Variants in KCNQ5 observed in about 807,000 individuals in gnomAD.
KCNQ5 encodes potassium voltage-gated channel subfamily Q member 5, also known as potassium voltage-gated channel subfamily KQT member 5.
Under a neutral mutation model 98.2 loss-of-function variants are expected in KCNQ5, and 30 were observed. The ratio of observed to expected loss-of-function variants is 0.31; its 90% confidence interval spans 0.23 to 0.41. KCNQ5 has a LOEUF of 0.41. KCNQ5 is among the 10% of genes least tolerant of loss of function. The pLI, the probability that KCNQ5 is intolerant of heterozygous loss-of-function variation, is 1.00. For synonymous variants in KCNQ5, 458 were observed against 449.4 expected (o/e 1.02, Z -0.24); for missense variants, 835 against 1,182.5 (o/e 0.71, Z 4.31).
intron 3 of KCNQ5, among the ~76,000 whole-genome samples, chr6:73,049,427 A>G (rs78798773): frequency 0.045 from 6,791 of 152,294 alleles, 277 homozygotes; most frequent in African/African-American, 0.11. Flanking sequence ...CACTCTATAG[A>G]TGGAAAAGTC....
chr6:72,809,125 A>C (rs1350173787), intron 1 of KCNQ5, among the ~76,000 whole-genome samples: 2 of 151,110 alleles, frequency 1.3e-5, no homozygotes, highest in African/African-American at 4.9e-5. Context: ...CATCATTCTC[A>C]GTAAACTATC....
At chr6:72,650,594 T>C (rs1765825664) in intron 1 of KCNQ5, among the ~76,000 whole-genome samples, 1 of 152,118 alleles carries the variant, frequency 6.6e-6, no homozygotes, top group African/African-American at 2.4e-5. Context: ...GCGAAACTAT[T>C]TTAAATGCAT....
intron 1 of KCNQ5, among the ~76,000 whole-genome samples, chr6:72,901,705 A>G (rs537795004): frequency 2.0e-5 from 3 of 152,140 alleles, no homozygotes; most frequent in African/African-American, 7.2e-5. Context: ...CCATTGGTCT[A>G]TGTGCCTATT....
intron 7 of KCNQ5, among the ~76,000 whole-genome samples, chr6:73,119,809 C>T (rs1328527683): frequency 6.6e-6 from 1 of 152,166 alleles, no homozygotes; most frequent in African/African-American, 2.4e-5. Flanking sequence ...CACCTAACTA[C>T]TATCTTGGAT....
chr6:72,834,879 T>C (rs1408726953), intron 1 of KCNQ5, among the ~76,000 whole-genome samples: 6 of 152,082 alleles, frequency 3.9e-5, no homozygotes, highest in Non-Finnish European at 7.4e-5. Context: ...CCAGGTCCCA[T>C]GCACTTTATT....
intron 1 of KCNQ5, among the ~76,000 whole-genome samples, chr6:72,941,012 AT>A (rs1766206300): frequency 6.6e-6 from 1 of 152,182 alleles, no homozygotes; most frequent in Non-Finnish European, 1.5e-5. Flanking sequence ...TATGAAGGAC[AT>A]TAGTGTCGAG....
intron 5 of KCNQ5, among the ~76,000 whole-genome samples, chr6:73,101,768 G>C (rs117032688): frequency 0.02 from 2,974 of 152,088 alleles, 219 homozygotes; most frequent in Admixed American, 0.12. Flanking sequence ...AAAAAGGAAA[G>C]ATATTTCATG....
chr6:73,070,613 C>G (rs2350369), intron 3 of KCNQ5, among the ~76,000 whole-genome samples: 137,067 of 152,182 alleles, frequency 0.9, 61,893 homozygotes, highest in South Asian at 0.96. Flanking sequence ...GACAAAAGCA[C>G]TGCCATCTTC....
At chr6:73,149,097 G>A (rs1406866939) in intron 10 of KCNQ5, among the ~76,000 whole-genome samples, 1 of 152,182 alleles carries the variant, frequency 6.6e-6, no homozygotes, top group Non-Finnish European at 1.5e-5. Flanking sequence ...TGCTTTTCAA[G>A]CTATGGTAGA....
chr6:72,975,663 A>G (rs1246144887), intron 1 of KCNQ5, among the ~76,000 whole-genome samples: 1 of 152,200 alleles, frequency 6.6e-6, no homozygotes, highest in East Asian at 1.9e-4. Context: ...ACCACATCAT[A>G]AAGTCTACTG....
chr6:73,175,846 C>T (rs191075180), intron 11 of KCNQ5, among the ~76,000 whole-genome samples: 1 of 152,038 alleles, frequency 6.6e-6, no homozygotes, highest in Non-Finnish European at 1.5e-5. Context: ...CAACCTATAT[C>T]GGCACTTTTG....
intron 1 of KCNQ5, among the ~76,000 whole-genome samples, chr6:72,830,577 A>G (rs1776213053): frequency 6.6e-6 from 1 of 152,220 alleles, no homozygotes; most frequent in South Asian, 2.1e-4. Context: ...TTATACAAAA[A>G]TTAATTCAAG....
intron 11 of KCNQ5, among the ~76,000 whole-genome samples, chr6:73,171,676 C>T (rs1260168266): frequency 2.6e-5 from 4 of 152,160 alleles, no homozygotes; most frequent in South Asian, 2.1e-4. Flanking sequence ...GACAAAGAAA[C>T]GAAAGATTTC....
At chr6:72,711,359 T>C (rs1769361073) in intron 1 of KCNQ5, among the ~76,000 whole-genome samples, 1 of 152,182 alleles carries the variant, frequency 6.6e-6, no homozygotes, top group Admixed American at 6.5e-5. Flanking sequence ...AGCTACCCAG[T>C]CTGTGCCATT....
chr6:73,103,627 A>G (rs1169734062), intron 5 of KCNQ5, among the ~76,000 whole-genome samples: 3 of 152,196 alleles, frequency 2.0e-5, no homozygotes, highest in Non-Finnish European at 4.4e-5. Context: ...TAGAACTTAA[A>G]GTATAATAAT....
At position 72,639,395 on chromosome 6, in the gene KCNQ5, T is replaced by G. The variant is rs567056985; in HGVS notation, c.398+16808T>G. ...TTGCCATCTAGGAGTGGACAGCATG[T>G]GCAGTGCCATGTGTTAGGAGGACAT... On this transcript the variant is annotated intron_variant, in intron 1 of 13. Transcript: ENST00000370398. 1.8e-4 allele frequency among the ~76,000 whole-genome samples: 28 copies of G among 152,270 alleles called. 1 individual carries two copies. In the South Asian group the frequency reaches 5.8e-3, roughly 32 times the overall value.
At chr6:73,120,362 G>T in intron 7 of KCNQ5, 121 bp from the exon 8 acceptor site, 1 of 604,454 alleles carries the variant, frequency 1.7e-6, no homozygotes, top group South Asian at 3.5e-5. Context: ...GTATTTATCA[G>T]GGCTAAGTAT....
rs902952081 is a variant in KCNQ5, at chr6:72,985,239, C to T, written c.399-18669C>T. Among the ~76,000 whole-genome samples, 34 of 152,098 alleles carry T rather than the reference C, an allele frequency of 2.2e-4. 1 individual carries two copies. The highest frequency in any genetic ancestry group is 2.2e-3 in the Admixed American group (33 of 15,278). ...CAAAAAAAAGAGAAGCAAGAAAGAA[C>T]GTAGGAAGAAATCAATCTTGTTCAC... On this transcript the variant is annotated intron_variant, in intron 1 of 13. Transcript: ENST00000370398.
chr6:72,881,917 C>T (rs1049131102), intron 1 of KCNQ5, among the ~76,000 whole-genome samples: 1 of 152,176 alleles, frequency 6.6e-6, no homozygotes, highest in African/African-American at 2.4e-5. Flanking sequence ...TCTCAAACTC[C>T]TGACATCAGG....
Sources: gnomAD v4.1 joint callset for allele counts (sites outside exome capture counted in the v4.1 genomes callset) on GRCh38, gnomAD v4.1.1 for gene constraint, MANE v1.5 for transcripts, NCBI Gene and HGNC (gene_info 2026-07-23, HGNC 2026-07-21) for gene names.